The following SMC4 variants were observed in gnomAD, a reference collection of about 807,000 sequenced individuals.
SMC4 encodes structural maintenance of chromosomes 4.
Under a neutral mutation model 145.6 loss-of-function variants are expected in SMC4, and 87 were observed. The ratio of observed to expected loss-of-function variants is 0.60; its 90% CI spans 0.50 to 0.71. The LOEUF (loss-of-function observed/expected upper bound fraction) is 0.71. Among genes scored for constraint, SMC4 ranks in the 30% least tolerant of loss-of-function variants. The pLI is 0.00. For missense variants in SMC4, 1,447 were observed against 1,537.1 expected (o/e 0.94, Z 0.98); for synonymous variants, 558 against 500.7 (o/e 1.11, Z -1.53).
chr3:160,406,670 T>A (rs867906770), intron 5 of SMC4, among the ~76,000 whole-genome samples: 6 of 152,146 alleles, frequency 3.9e-5, no homozygotes, highest in Non-Finnish European at 7.4e-5. Flanking sequence ...AAAATAAACA[T>A]TTATTTTTGA....
At chr3:160,421,042 G>A in intron 13 of SMC4, 141 bp downstream of exon 13, 1 of 574,256 alleles carries the variant, frequency 1.7e-6, no homozygotes, top group Non-Finnish European at 2.8e-6. Flanking sequence ...CCATTCTCCT[G>A]CCTCAGCCTC....
At chr3:160,421,214 C>T (rs1717141813) in intron 13 of SMC4, among the ~76,000 whole-genome samples, 1 of 151,856 alleles carries the variant, frequency 6.6e-6, no homozygotes, top group South Asian at 2.1e-4. Flanking sequence ...CAGGCGTGAG[C>T]CACCACACCC....
Position 160,417,975 on chromosome 3 carries a change from G to C in SMC4, c.1671+19G>C, listed in dbSNP as rs755406810. 5 of 1,581,238 alleles carry C rather than the reference G, an allele frequency of 3.2e-6. No homozygotes were observed. The South Asian group carries it at 4.5e-5, about 14-fold the overall frequency. On this transcript the variant is annotated intron_variant, in intron 11 of 23. Transcript: ENST00000357388. ...AAAGGAGGTAAATCTTTGCTTCTCT[G>C]TTGCATCAGAACATCATTCGTCCAC...
In SMC4 at chr3:160,420,779, AT is replaced by A. The variant is rs1560004990; in HGVS notation, c.1898del (p.Ile633AsnfsTer18). 6.2e-7 allele frequency: 1 copy of A among 1,613,910 alleles called. No homozygotes were observed. The highest frequency in any genetic ancestry group is 1.7e-5 in the Admixed American group (1 of 59,974). On this transcript the variant is annotated frameshift_variant, in exon 13 of 24. Transcript: ENST00000357388. LOFTEE classifies it high-confidence loss of function. Reference sequence around the variant, plus strand: ...CATTGATGAAAAATACGACGTGGCTATATCATCCTGTTGTCATGCACTGGAC... The same window carrying A: ...CATTGATGAAAAATACGACGTGGCTAATCATCCTGTTGTCATGCACTGGAC... Reference protein sequence around the residue: ...GAIDEKYDVAISSCCHALDYI... With the variant: ...GAIDEKYDVAXSSCCHALDYI...
At position 160,414,621 on chromosome 3, in the gene SMC4, T is replaced by C. The variant is rs1047161006; in HGVS notation, c.1272+104T>C. The C allele has an allele frequency of 3.6e-6, 4 of 1,113,944 alleles. No homozygotes were observed. The East Asian group carries it at 1.0e-4, about 29-fold the overall frequency. 69.0% of individuals were successfully genotyped at this position (1,113,944 alleles called of 1,614,324 possible). A position where few individuals can be genotyped will look rare whatever the true frequency, so the allele number is the denominator to read the frequency against. On this transcript the variant is annotated intron_variant, in intron 9 of 23. Coordinates refer to ENST00000357388, the MANE Select transcript of SMC4 (RefSeq NM_001002800.3). ...TGCCTAAGAGAATGAATTAGTATTCTAAATGTTGTTTTAAGGTTTGTCTCT... is the reference window on the plus strand; with the variant it reads ...TGCCTAAGAGAATGAATTAGTATTCCAAATGTTGTTTTAAGGTTTGTCTCT...
At chr3:160,414,166 G>A (rs1305017430) in intron 8 of SMC4, 1 of 584,356 alleles carries the variant, frequency 1.7e-6, no homozygotes, top group Non-Finnish European at 3.3e-6. Context: ...ACTTAGAAAG[G>A]CAAAATAGCT....
intron 17 of SMC4, among the ~76,000 whole-genome samples, chr3:160,427,933 A>ACACG (rs975710962): frequency 3.5e-4 from 53 of 151,990 alleles, no homozygotes; most frequent in Non-Finnish European, 6.2e-4. Flanking sequence ...TGAAAAATAC[A>ACACG]CACGCACGCA....
chr3:160,414,006 T>G, intron 8 of SMC4: 1 of 337,902 alleles, frequency 3.0e-6, no homozygotes, highest in Non-Finnish European at 5.5e-6. Context: ...TCTCTAATTA[T>G]TTTTAAATAA....
At chr3:160,423,358 T>TG (rs1491134455) in intron 13 of SMC4, 67 bp from the exon 14 acceptor site, 6 of 617,428 alleles carry the variant, frequency 9.7e-6, no homozygotes, top group Non-Finnish European at 1.5e-5. Context: ...GGTTTTTTTT[T>TG]GTTTTTTTTT....
chr3:160,420,587 CATATTTT>C, intron 12 of SMC4, 146 bp from the exon 13 acceptor site: 1 of 614,660 alleles, frequency 1.6e-6, no homozygotes, highest in Non-Finnish European at 2.7e-6. Flanking sequence ...TAAACTTATA[CATATTTT>C]GTATTTTGTT....
intron 15 of SMC4, 28 bp downstream of exon 15, chr3:160,423,868 CTT>C (rs563297060): frequency 1.2e-3 from 1,445 of 1,206,626 alleles, no homozygotes; most frequent in South Asian, 2.0e-3. Flanking sequence ...TGTATCCAGA[CTT>C]TTTTTTTTTT....
chr3:160,401,028 A>C (rs932634370), intron 2 of SMC4, 63 bp downstream of exon 2: 39 of 1,357,394 alleles, frequency 2.9e-5, no homozygotes, highest in Middle Eastern at 5.4e-4. Flanking sequence ...AAACGCGCCC[A>C]GCCCGAGGCT....
At chr3:160,416,569 A>G (rs1274568347) in intron 10 of SMC4, 154 bp downstream of exon 10, 2 of 429,016 alleles carry the variant, frequency 4.7e-6, no homozygotes, top group South Asian at 1.2e-4. Flanking sequence ...TTAGATGACT[A>G]TTCTTTTAAT....
chr3:160,404,342 T>A lies in SMC4; in HGVS notation c.525T>A (p.Tyr175Ter). Residue 175 changes from tyrosine to a stop codon, truncating the protein, a stop_gained, in exon 5 of 24, where the codon TAT becomes TAA. Transcript: ENST00000357388. LOFTEE classifies it high-confidence loss of function. Reference sequence around the variant, plus strand: ...CCTCAAAACAGGAAGGGGATGATTATGAAGTCATTCCTAACAGTAATTTCT... The same window carrying A: ...CCTCAAAACAGGAAGGGGATGATTAAGAAGTCATTCCTAACAGTAATTTCT... ...QKIIDKEGDD[Y>*]EVIPNSNFYV... is the part of the protein sequence containing the mutation. 1 of 1,604,782 alleles carries A rather than the reference T, an allele frequency of 6.2e-7. No homozygotes were observed. Among genetic ancestry groups the A allele is most frequent in the Non-Finnish European group, 8.5e-7 (1 of 1,177,594 alleles).
In SMC4 at chr3:160,433,698, AAAT is replaced by A. The variant is rs755366725; in HGVS notation, c.3761_3763del (p.Asn1254del). On this transcript the variant is annotated inframe_deletion, in exon 24 of 24. Coordinates refer to ENST00000357388, the MANE Select transcript of SMC4 (RefSeq NM_001002800.3). ...CACAGTTCATAATAATTTCTCTTCG[AAAT>A]AATATGTTTGAGATTTCGGATAGAC... is the stretch of plus-strand genomic sequence containing the variant. 1 of 1,581,854 alleles carries A rather than the reference AAAT, an allele frequency of 6.3e-7. No individual in the cohort carries two copies.
At chr3:160,420,604 T>G in intron 12 of SMC4, 136 bp from the exon 13 acceptor site, 1 of 756,122 alleles carries the variant, frequency 1.3e-6, no homozygotes. Context: ...TGTATTTTGT[T>G]GTGTACCCTT....
At position 160,426,162 on chromosome 3, in the gene SMC4, A is replaced by G. The variant is rs61762667; in HGVS notation, c.2567A>G (p.Gln856Arg). The G allele has an allele frequency of 6.2e-7, 1 of 1,610,238 alleles. No individual in the cohort carries two copies. The highest frequency in any genetic ancestry group is 8.5e-7 in the Non-Finnish European group (1 of 1,178,136). The change falls in exon 17 of 24, where the codon CAG (glutamine) becomes CGG (arginine). Residue 856 changes from glutamine (Q) to arginine (R), a missense_variant. By Grantham distance (43) the Gln-to-Arg change is conservative. Coordinates refer to ENST00000357388, the MANE Select transcript of SMC4 (RefSeq NM_001002800.3). ...VLATAPDKKK[Q>R]KLLEENVSAF... ...GCTACAGCCCCTGACAAAAAAAAGCAGAAATTGCTAGAAGAAAACGTTAGT... is the reference window on the plus strand; with the variant it reads ...GCTACAGCCCCTGACAAAAAAAAGCGGAAATTGCTAGAAGAAAACGTTAGT...
chr3:160,433,011 T>C lies in SMC4; in HGVS notation c.3531-15T>C. On this transcript the variant is annotated splice_polypyrimidine_tract_variant and intron_variant, in intron 22 of 23. Coordinates refer to ENST00000357388, the MANE Select transcript of SMC4 (RefSeq NM_001002800.3). ...TTTACAGGTAATTTGACTATGATTTTCTTAATCATTTCAGTGTTCGACCAC... is the reference window on the plus strand; with the variant it reads ...TTTACAGGTAATTTGACTATGATTTCCTTAATCATTTCAGTGTTCGACCAC... 1.3e-6 allele frequency: 2 copies of C among 1,586,608 alleles called. No homozygotes were observed. Among genetic ancestry groups the C allele is most frequent in the Non-Finnish European group, 1.7e-6 (2 of 1,156,838 alleles).
Position 160,417,913 on chromosome 3 carries a change from A to G in SMC4, c.1628A>G (p.Asp543Gly). 6.2e-7 allele frequency: 1 copy of G among 1,612,932 alleles called. No individual in the cohort carries two copies. The highest frequency in any genetic ancestry group is 8.5e-7 in the Non-Finnish European group (1 of 1,179,556). Residue 543 changes from aspartate (D) to glycine (G), a missense_variant, in exon 11 of 24, where the codon GAT (aspartate) becomes GGT (glycine). Physicochemically the swap from Asp to Gly is moderately conservative, Grantham distance 94. Transcript: ENST00000357388. ...AAAGAAAGGAAAGCTGCAATCAGAG[A>G]TATAGAAGGAAAACTCCCTCAAACT... ...TLKERKAAIR[D>G]IEGKLPQTEQ...
Sources: gnomAD v4.1 joint callset for allele counts (sites outside exome capture counted in the v4.1 genomes callset) on GRCh38, gnomAD v4.1.1 for gene constraint, MANE v1.5 for transcripts, NCBI Gene and HGNC (gene_info 2026-07-23, HGNC 2026-07-21) for gene names.